Variants in CDH13 observed in about 807,000 individuals in gnomAD.
CDH13 encodes cadherin 13, also known as cadherin-13.
CDH13 carries 24 observed loss-of-function variants against 63.8 expected under a neutral mutation model. That is an observed-to-expected ratio of 0.38 (90% CI 0.27 to 0.53). The LOEUF is 0.53. Among genes scored for constraint, CDH13 ranks in the 20% least tolerant of loss-of-function variants. The pLI, the probability that CDH13 is intolerant of heterozygous loss-of-function variation, is 0.85. For synonymous variants in CDH13, 503 were observed against 355.3 expected (o/e 1.42, Z -4.67); for missense variants, 1,049 against 903.1 (o/e 1.16, Z -2.07).
intron 3 of CDH13, among the ~76,000 whole-genome samples, chr16:83,111,870 C>T (rs1035233505): frequency 1.3e-5 from 2 of 152,128 alleles, no homozygotes; most frequent in African/African-American, 2.4e-5. Flanking sequence ...TGAACTTCTC[C>T]CTGATGAAGC....
chr16:83,401,531 T>C (rs2091968196), intron 6 of CDH13, among the ~76,000 whole-genome samples: 1 of 151,754 alleles, frequency 6.6e-6, no homozygotes, highest in African/African-American at 2.4e-5. Context: ...TAAAGTAAAA[T>C]AAAATAAAAA....
chr16:83,484,820 T>G (rs539693949), intron 6 of CDH13, among the ~76,000 whole-genome samples: 27 of 152,322 alleles, frequency 1.8e-4, no homozygotes, highest in African/African-American at 6.3e-4. Context: ...ACTATCCCCC[T>G]GTGGGTAAGG....
intron 6 of CDH13, among the ~76,000 whole-genome samples, chr16:83,387,412 G>A (rs2091696549): frequency 6.6e-6 from 1 of 152,146 alleles, no homozygotes; most frequent in Admixed American, 6.5e-5. Flanking sequence ...AAGGTATTGG[G>A]CCTCAGTGGA....
At chr16:82,852,121 A>G (rs1334292004) in intron 1 of CDH13, among the ~76,000 whole-genome samples, 1 of 152,170 alleles carries the variant, frequency 6.6e-6, no homozygotes, top group Non-Finnish European at 1.5e-5. Context: ...CGTGAGATTA[A>G]TTATTTGTGG....
chr16:83,163,799 A>C (rs752077599), intron 4 of CDH13, among the ~76,000 whole-genome samples: 1 of 152,154 alleles, frequency 6.6e-6, no homozygotes, highest in African/African-American at 2.4e-5. Flanking sequence ...AGAGATAAAC[A>C]AACCTTTGTT....
At chr16:83,416,931 G>C (rs1455510150) in intron 6 of CDH13, among the ~76,000 whole-genome samples, 3 of 152,156 alleles carry the variant, frequency 2.0e-5, no homozygotes, top group Non-Finnish European at 2.9e-5. Context: ...CTTTAGAACA[G>C]TGCCCGGCAC....
chr16:83,696,428 A>C (rs1905413805), intron 10 of CDH13, among the ~76,000 whole-genome samples: 1 of 151,988 alleles, frequency 6.6e-6, no homozygotes, highest in Non-Finnish European at 1.5e-5. Context: ...AGGTGGGAGG[A>C]CCAGGGAATC....
chr16:82,708,487 G>A (rs113736409), intron 1 of CDH13, among the ~76,000 whole-genome samples: 3 of 152,266 alleles, frequency 2.0e-5, no homozygotes, highest in African/African-American at 7.2e-5. Flanking sequence ...TTTTCTGTGT[G>A]AAGACTCCAC....
At chr16:83,407,489 G>C (rs1460010772) in intron 6 of CDH13, among the ~76,000 whole-genome samples, 2 of 152,114 alleles carry the variant, frequency 1.3e-5, no homozygotes, top group South Asian at 4.2e-4. Context: ...TTTTCAGCTA[G>C]ACTACTATGA....
chr16:83,749,671 C>T (rs1912915291), intron 11 of CDH13, among the ~76,000 whole-genome samples: 1 of 152,102 alleles, frequency 6.6e-6, no homozygotes, highest in Admixed American at 6.5e-5. Context: ...AGAGCTGGAC[C>T]AGATCTTGTG....
intron 7 of CDH13, among the ~76,000 whole-genome samples, chr16:83,575,815 T>A (rs796524605): frequency 3.3e-5 from 5 of 152,350 alleles, no homozygotes; most frequent in African/African-American, 1.2e-4. Context: ...GATTAATATC[T>A]GCCTCCCACA....
chr16:82,987,551 A>T (rs1346366059), intron 2 of CDH13, among the ~76,000 whole-genome samples: 1 of 151,932 alleles, frequency 6.6e-6, no homozygotes, highest in Non-Finnish European at 1.5e-5. Context: ...TAATTTTTGG[A>T]TTCTTAGTAG....
chr16:83,416,193 A>G (rs1012541923), intron 6 of CDH13, among the ~76,000 whole-genome samples: 6 of 152,244 alleles, frequency 3.9e-5, no homozygotes, highest in African/African-American at 1.2e-4. Flanking sequence ...CTTAACTAAG[A>G]CAGTGAAAGA....
intron 3 of CDH13, among the ~76,000 whole-genome samples, chr16:83,034,280 G>T (rs1018311013): frequency 4.6e-5 from 7 of 152,078 alleles, no homozygotes; most frequent in African/African-American, 1.7e-4. Flanking sequence ...TGTTTCTGAG[G>T]GTGGAACCTA....
rs541130198 is a variant in CDH13, at chr16:82,639,960, C to T, written c.45+12823C>T. Reference sequence around the variant, plus strand: ...CTATTTGGTTAACTCATTCACTTAACAAATATTTACTGGGGGAAGACAATA... The same window carrying T: ...CTATTTGGTTAACTCATTCACTTAATAAATATTTACTGGGGGAAGACAATA... On this transcript the variant is annotated intron_variant, in intron 1 of 13. Coordinates refer to ENST00000567109, the MANE Select transcript of CDH13 (RefSeq NM_001257.5). 7.4e-4 allele frequency among the ~76,000 whole-genome samples: 113 copies of T among 152,306 alleles called. 1 individual carries two copies. In the Middle Eastern group the frequency reaches 0.017, roughly 23 times the overall value.
chr16:83,373,346 G>C (rs2091406441), intron 6 of CDH13, among the ~76,000 whole-genome samples: 2 of 152,152 alleles, frequency 1.3e-5, no homozygotes, highest in Admixed American at 6.5e-5. Flanking sequence ...TAAGCTGATG[G>C]GTTGAAGCTA....
chr16:83,689,453 C>T (rs1161879750), intron 10 of CDH13, among the ~76,000 whole-genome samples: 2 of 152,182 alleles, frequency 1.3e-5, no homozygotes, highest in Non-Finnish European at 2.9e-5. Context: ...TAACACCAGT[C>T]AGCCAGCAAG....
intron 2 of CDH13, among the ~76,000 whole-genome samples, chr16:82,924,274 A>AG (rs11425133): frequency 0.37 from 56,675 of 151,860 alleles, 11,732 homozygotes; most frequent in Non-Finnish European, 0.47. Flanking sequence ...AATGCTGAAT[A>AG]GCAGCCTTGT....
rs1914450930 is a variant in CDH13 at position 83,670,990 on chromosome 16, T to G, written c.1284+18T>G. ...TTGTCAAAGTAAGGGTGCTTCCAAT[T>G]GCCTCTTTCTCCTCATGCGAGCACG... is the stretch of plus-strand genomic sequence containing the variant. On this transcript the variant is annotated intron_variant, in intron 9 of 13. Coordinates refer to ENST00000567109, the MANE Select transcript of CDH13 (RefSeq NM_001257.5). The G allele has an allele frequency of 6.4e-7, 1 of 1,565,514 alleles. No individual in the cohort carries two copies. The highest frequency in any genetic ancestry group is 1.8e-4 in the Middle Eastern group (1 of 5,540).
Sources: allele counts gnomAD v4.1 joint callset (sites outside exome capture counted in the v4.1 genomes callset), GRCh38; gene constraint gnomAD v4.1.1; transcripts MANE v1.5; gene names NCBI Gene and HGNC (gene_info 2026-07-23, HGNC 2026-07-21).